CYFIP2: variants seen among roughly 807,000 people sequenced by gnomAD.
CYFIP2 encodes the protein cytoplasmic FMR1-interacting protein 2.
A neutral mutation model predicts 158.7 loss-of-function variants in CYFIP2; 29 were observed. The ratio of observed to expected loss-of-function variants is 0.18; its 90% CI spans 0.14 to 0.25. The LOEUF is 0.25. CYFIP2 is among the 10% of genes least tolerant of loss of function. The probability of loss-of-function intolerance (pLI) is 1.00; values close to 1 mark genes in which losing one functional copy is unlikely to be tolerated. For synonymous variants in CYFIP2, 585 were observed against 617.6 expected, an observed-to-expected ratio of 0.95 and a Z score of 0.78; for missense variants, 852 against 1,639.5, an observed-to-expected ratio of 0.52 and a Z score of 8.29.
chr5:157,330,700 A>G lies in CYFIP2; in HGVS notation c.2157-42A>G, dbSNP rs747504800. 4 of 1,521,534 alleles carry G rather than the reference A, an allele frequency of 2.6e-6. No homozygotes were observed. In the South Asian group the frequency reaches 4.5e-5, roughly 17 times the overall value. The allele number at this position is 1,521,534 out of a possible 1,614,324, so 94.3% of individuals were successfully genotyped here. A position where few individuals can be genotyped will look rare whatever the true frequency, so the allele number is the denominator to read the frequency against. On this transcript the variant is annotated intron_variant, in intron 19 of 30. Transcript: ENST00000620254. Reference sequence around the variant, plus strand: ...GTATCTGGGCAGTTGAGAGTCATTCACAATCTGTTTACTGGCCTTGTTTCA... The same window carrying G: ...GTATCTGGGCAGTTGAGAGTCATTCGCAATCTGTTTACTGGCCTTGTTTCA...
At position 157,391,875 on chromosome 5, in the gene CYFIP2, A is replaced by G. The variant is rs143070836; in HGVS notation, c.3595-958A>G. Among the ~76,000 whole-genome samples the G allele has an allele frequency of 3.8e-3, 572 of 152,322 alleles. 1 individual carries two copies. The highest frequency in any genetic ancestry group is 0.017 in the Middle Eastern group (5 of 294). ...TTCTGTTTTCCATAGTGGCTGCACA[A>G]TTTTACATTCCCACCAGCAGTACAC... On this transcript the variant is annotated intron_variant, in intron 30 of 30. Coordinates refer to ENST00000620254, the MANE Select transcript of CYFIP2 (RefSeq NM_001037333.3).
Position 157,302,878 on chromosome 5 carries a change from C to T in CYFIP2, c.654C>T (p.Asn218=). The change falls in exon 7 of 31, where the codon AAC becomes AAT. Residue 218 remains asparagine (N), a synonymous_variant. Coordinates refer to ENST00000620254, the MANE Select transcript of CYFIP2 (RefSeq NM_001037333.3). The part of the protein sequence containing the change: ...QNLSMFLANH[N]RITQCLHQQL... The stretch of plus-strand genomic sequence containing the variant: ...TTTCCATGTTCCTGGCCAACCACAA[C>T]AGGATCACCCAGGTGAGGGCAGACT... The T allele has an allele frequency of 1.3e-6, 2 of 1,575,576 alleles. No individual in the cohort carries two copies. Among genetic ancestry groups the T allele is most frequent in the Non-Finnish European group, 1.7e-6 (2 of 1,160,050 alleles).
chr5:157,295,961 C>T (rs868353983), intron 4 of CYFIP2, among the ~76,000 whole-genome samples: 4 of 152,180 alleles, frequency 2.6e-5, no homozygotes, highest in African/African-American at 7.2e-5. Flanking sequence ...GGAGCTTTGT[C>T]CCAGGTGTAT....
At chr5:157,305,195 A>C (rs1178561330) in intron 8 of CYFIP2, among the ~76,000 whole-genome samples, 2 of 152,166 alleles carry the variant, frequency 1.3e-5, no homozygotes, top group East Asian at 1.9e-4. Context: ...TGCAATTGTG[A>C]ATTGTGCTGC....
At chr5:157,384,220 G>A (rs964882156) in intron 28 of CYFIP2, 1 of 449,910 alleles carries the variant, frequency 2.2e-6, no homozygotes, top group African/African-American at 2.0e-5. Flanking sequence ...TGCCTTCAGA[G>A]AATTCAGATT....
chr5:157,299,101 C>CCT lies in CYFIP2; in HGVS notation c.388-1614_388-1613insCT, dbSNP rs1581004097. On this transcript the variant is annotated intron_variant, in intron 5 of 30. Transcript: ENST00000620254. ...AGACCTAGGAGTGGAATTGTTGGGT[C>CCT]AGATGGTAACCCCACCTTTAAGCTT... Among the ~76,000 whole-genome samples, 4 of 152,152 alleles carry CCT rather than the reference C, an allele frequency of 2.6e-5. No individual in the cohort carries two copies. The East Asian group carries it at 7.7e-4, about 29-fold the overall frequency.
rs192410799 is a variant in CYFIP2 at position 157,337,209 on chromosome 5, A to G, written c.2386-1848A>G. On this transcript the variant is annotated intron_variant, in intron 21 of 30. Transcript: ENST00000620254. Reference sequence around the variant, plus strand: ...CCAGCTAGCCAGGCCCCCAAGAGACAGAATCAGAAAGCTGATTCTGTATTT... The same window carrying G: ...CCAGCTAGCCAGGCCCCCAAGAGACGGAATCAGAAAGCTGATTCTGTATTT... Among the ~76,000 whole-genome samples, 5 of 152,338 alleles carry G rather than the reference A, an allele frequency of 3.3e-5. No homozygotes were observed. In the South Asian group the frequency reaches 1.0e-3, roughly 32 times the overall value.
chr5:157,292,895 A>G (rs571153580), intron 3 of CYFIP2, among the ~76,000 whole-genome samples: 2 of 149,818 alleles, frequency 1.3e-5, no homozygotes, highest in African/African-American at 5.1e-5. Context: ...ATAAAATTCT[A>G]TGAGATTATT....
At chr5:157,385,920 A>G (rs1766634650) in intron 28 of CYFIP2, among the ~76,000 whole-genome samples, 1 of 152,208 alleles carries the variant, frequency 6.6e-6, no homozygotes, top group Admixed American at 6.5e-5. Flanking sequence ...AGGGGAATAG[A>G]AAAGAAATGG....
chr5:157,369,357 C>T (rs1764755540), intron 26 of CYFIP2, among the ~76,000 whole-genome samples: 2 of 152,056 alleles, frequency 1.3e-5, no homozygotes, highest in Non-Finnish European at 2.9e-5. Context: ...TGAAAAATGG[C>T]ATAAAACAAG....
chr5:157,351,163 G>A (rs547323876), intron 23 of CYFIP2, among the ~76,000 whole-genome samples: 1 of 152,162 alleles, frequency 6.6e-6, no homozygotes, highest in East Asian at 1.9e-4. Context: ...TTAAAAATGA[G>A]AATATTATAA....
chr5:157,309,891 G>C (rs1053522023), intron 10 of CYFIP2, 57 bp downstream of exon 10: 21 of 1,494,544 alleles, frequency 1.4e-5, no homozygotes, highest in Non-Finnish European at 1.8e-5. Flanking sequence ...CCCGGGCAGA[G>C]AGCCGAGGGG....
At chr5:157,383,033 C>T (rs1235817478) in intron 27 of CYFIP2, among the ~76,000 whole-genome samples, 1 of 152,100 alleles carries the variant, frequency 6.6e-6, no homozygotes, top group African/African-American at 2.4e-5. Context: ...ATATATTAAA[C>T]CACTATACTA....
intron 9 of CYFIP2, among the ~76,000 whole-genome samples, chr5:157,308,831 G>A (rs1759459485): frequency 6.6e-6 from 1 of 152,218 alleles, no homozygotes; most frequent in Non-Finnish European, 1.5e-5. Context: ...TGAATGAGAT[G>A]AGGGTAGAAG....
At chr5:157,355,010 C>A (rs1025542716) in intron 23 of CYFIP2, among the ~76,000 whole-genome samples, 2 of 152,086 alleles carry the variant, frequency 1.3e-5, no homozygotes, top group Non-Finnish European at 2.9e-5. Context: ...CTAGAGGGAG[C>A]ACGTCTATCC....
At chr5:157,350,756 AT>A in intron 23 of CYFIP2, among the ~76,000 whole-genome samples, 1 of 152,256 alleles carries the variant, frequency 6.6e-6, no homozygotes, top group African/African-American at 2.4e-5. Context: ...CTACCCATCC[AT>A]GAGCATGGGA....
At chr5:157,357,516 T>G (rs993657547) in intron 23 of CYFIP2, among the ~76,000 whole-genome samples, 3 of 152,066 alleles carry the variant, frequency 2.0e-5, no homozygotes, top group African/African-American at 7.2e-5. Flanking sequence ...GCAATTCCAG[T>G]TGGGAGAACT....
chr5:157,294,368 G>A (rs1487140919), intron 3 of CYFIP2, among the ~76,000 whole-genome samples: 1 of 152,306 alleles, frequency 6.6e-6, no homozygotes, highest in African/African-American at 2.4e-5. Context: ...CTTTGCAAAG[G>A]CAGTTTTGAT....
chr5:157,391,815 T>C (rs1201210458), intron 30 of CYFIP2, among the ~76,000 whole-genome samples: 8 of 145,352 alleles, frequency 5.5e-5, no homozygotes, highest in Admixed American at 4.9e-4. Context: ...CTGGATCGTA[T>C]GGTAATTCTA....
Sources: gnomAD v4.1 joint callset for allele counts (sites outside exome capture counted in the v4.1 genomes callset) on GRCh38, gnomAD v4.1.1 for gene constraint, MANE v1.5 for transcripts, NCBI Gene and HGNC (gene_info 2026-07-23, HGNC 2026-07-21) for gene names.